The following CTNNA3 variants were observed in gnomAD, a reference collection of about 807,000 sequenced individuals.
The protein encoded by CTNNA3 is catenin alpha-3.
In CTNNA3, 76 loss-of-function variants were observed where a neutral mutation model predicts 95.7. The ratio of observed to expected loss-of-function variants is 0.79; its 90% CI spans 0.66 to 0.96. The LOEUF (loss-of-function observed/expected upper bound fraction) is 0.96. CTNNA3 is among the 40% of genes least tolerant of loss of function. The pLI, the probability that CTNNA3 is intolerant of heterozygous loss-of-function variation, is 0.00. For synonymous variants in CTNNA3, 431 were observed against 374.4 expected (o/e 1.15, Z -1.74); for missense variants, 1,191 against 1,089.8 (o/e 1.09, Z -1.31).
intron 5 of CTNNA3, among the ~76,000 whole-genome samples, chr10:67,429,718 G>C (rs1846044430): frequency 6.6e-6 from 1 of 151,842 alleles, no homozygotes; most frequent in South Asian, 2.1e-4. Flanking sequence ...AGGCCTTTTT[G>C]ATAAAGCAAA....
At chr10:66,027,506 C>G (rs532461799) in intron 15 of CTNNA3, among the ~76,000 whole-genome samples, 4 of 152,120 alleles carry the variant, frequency 2.6e-5, no homozygotes, top group African/African-American at 4.8e-5. Context: ...AATGTGCTCT[C>G]TACTGGTAAT....
chr10:66,764,591 G>C (rs1839765111), intron 9 of CTNNA3, among the ~76,000 whole-genome samples: 1 of 152,130 alleles, frequency 6.6e-6, no homozygotes, highest in African/African-American at 2.4e-5. Flanking sequence ...CATAAACCAA[G>C]TTTTGCTTTC....
intron 15 of CTNNA3, among the ~76,000 whole-genome samples, chr10:66,020,294 A>T (rs574891886): frequency 2.4e-4 from 37 of 152,318 alleles, no homozygotes; most frequent in African/African-American, 8.4e-4. Flanking sequence ...AGGTTTGGCC[A>T]AATAGACAGG....
At chr10:67,518,546 A>G (rs138411429) in intron 5 of CTNNA3, among the ~76,000 whole-genome samples, 1 of 152,270 alleles carries the variant, frequency 6.6e-6, no homozygotes, top group East Asian at 1.9e-4. Context: ...AATGTGCTTT[A>G]GTCTATATAA....
chr10:66,499,116 T>C (rs1475845119), intron 11 of CTNNA3, among the ~76,000 whole-genome samples: 2 of 152,184 alleles, frequency 1.3e-5, no homozygotes, highest in African/African-American at 4.8e-5. Flanking sequence ...ATCTGATGTT[T>C]TGCTTGTTTC....
intron 5 of CTNNA3, among the ~76,000 whole-genome samples, chr10:67,476,765 T>A (rs1380087436): frequency 6.6e-6 from 1 of 151,662 alleles, no homozygotes; most frequent in African/African-American, 2.4e-5. Flanking sequence ...TGGGGCCCTA[T>A]GTACTCCATA....
chr10:65,946,252 G>A (rs1293787918), intron 17 of CTNNA3, among the ~76,000 whole-genome samples: 1 of 152,062 alleles, frequency 6.6e-6, no homozygotes, highest in Non-Finnish European at 1.5e-5. Flanking sequence ...TCATTTTCAT[G>A]TACTATACAG....
At chr10:66,166,159 A>G (rs1224960543) in intron 13 of CTNNA3, among the ~76,000 whole-genome samples, 1 of 152,136 alleles carries the variant, frequency 6.6e-6, no homozygotes, top group African/African-American at 2.4e-5. Context: ...TTTTTTAAGA[A>G]AAAAGTTTCA....
rs575419592 is a variant in CTNNA3, at chr10:66,235,725, G to A, written c.1884+44745C>T. 8.0e-4 allele frequency among the ~76,000 whole-genome samples: 121 copies of A among 152,170 alleles called. 2 individuals are homozygous for A. Among genetic ancestry groups the A allele is most frequent in the South Asian group, 5.8e-3 (28 of 4,824 alleles). ...CCATGAACATATCCGATATTGGAGT[G>A]TGAAAGGCAAATACCCAGATAGTTA... On this transcript the variant is annotated intron_variant, in intron 13 of 17. Transcript: ENST00000433211.
At chr10:67,058,399 C>T (rs1344128620) in intron 7 of CTNNA3, among the ~76,000 whole-genome samples, 1 of 152,098 alleles carries the variant, frequency 6.6e-6, no homozygotes, top group Non-Finnish European at 1.5e-5. Context: ...TTTTTAAAGT[C>T]CACCACAGGT....
chr10:67,651,515 T>A (rs979112040), intron 1 of CTNNA3, among the ~76,000 whole-genome samples: 5 of 152,238 alleles, frequency 3.3e-5, no homozygotes, highest in Non-Finnish European at 7.3e-5. Context: ...TAGAATTCCC[T>A]ATTAAGTCAT....
In CTNNA3 at chr10:67,673,053, T is replaced by C. The variant is rs1433621387; in HGVS notation, c.-6+22947A>G. Among the ~76,000 whole-genome samples, 17 of 151,700 alleles carry C rather than the reference T, an allele frequency of 1.1e-4. No homozygotes were observed. The East Asian group carries it at 3.3e-3, about 29-fold the overall frequency. On this transcript the variant is annotated intron_variant, in intron 1 of 17. Coordinates refer to ENST00000433211, the MANE Select transcript of CTNNA3 (RefSeq NM_013266.4). ...TATTTCATTGAGCAGTGGTTTGTAG[T>C]TCTCCTTGAAGAGGTCCTTCACATC...
intron 5 of CTNNA3, among the ~76,000 whole-genome samples, chr10:67,401,901 C>A (rs189772426): frequency 9.2e-5 from 14 of 152,266 alleles, no homozygotes; most frequent in Admixed American, 7.8e-4. Flanking sequence ...CCATACAGAG[C>A]CTTAGTTCTC....
At chr10:66,566,144 T>C (rs1842698512) in intron 10 of CTNNA3, among the ~76,000 whole-genome samples, 1 of 152,166 alleles carries the variant, frequency 6.6e-6, no homozygotes, top group South Asian at 2.1e-4. Flanking sequence ...TGTGGAGGAC[T>C]GGTAACTAAG....
At chr10:67,260,905 G>A (rs548280175) in intron 5 of CTNNA3, among the ~76,000 whole-genome samples, 3 of 152,076 alleles carry the variant, frequency 2.0e-5, no homozygotes, top group East Asian at 1.9e-4. Context: ...GGCTGGCCTC[G>A]AACTCCTGAC....
intron 7 of CTNNA3, among the ~76,000 whole-genome samples, chr10:66,861,322 C>A (rs990799909): frequency 6.6e-6 from 1 of 152,160 alleles, no homozygotes. Flanking sequence ...TTTGCACGTT[C>A]TGCCCATGTC....
chr10:67,387,379 T>C (rs572821648), intron 5 of CTNNA3, among the ~76,000 whole-genome samples: 2 of 151,290 alleles, frequency 1.3e-5, no homozygotes, highest in Non-Finnish European at 3.0e-5. Flanking sequence ...ACCACGAGAG[T>C]ATATCCCGCA....
At chr10:67,218,877 C>T (rs1403000928) in intron 6 of CTNNA3, among the ~76,000 whole-genome samples, 3 of 152,166 alleles carry the variant, frequency 2.0e-5, no homozygotes, top group Non-Finnish European at 2.9e-5. Flanking sequence ...TTTTAAGACA[C>T]GAGTCGCAGC....
At chr10:66,432,416 TG>T (rs922632510) in intron 11 of CTNNA3, among the ~76,000 whole-genome samples, 1 of 152,178 alleles carries the variant, frequency 6.6e-6, no homozygotes, top group Non-Finnish European at 1.5e-5. Flanking sequence ...CCCAACACTT[TG>T]GGAAGCCAAG....
Sources: allele counts gnomAD v4.1 joint callset (sites outside exome capture counted in the v4.1 genomes callset), GRCh38; gene constraint gnomAD v4.1.1; transcripts MANE v1.5; gene names NCBI Gene and HGNC (gene_info 2026-07-23, HGNC 2026-07-21).